ELOVL5: variants seen among roughly 807,000 people sequenced by gnomAD.
ELOVL5 encodes ELOVL fatty acid elongase 5, also known as very long chain fatty acid elongase 5.
Under a neutral mutation model 38.6 loss-of-function variants are expected in ELOVL5, and 8 were observed. The observed-to-expected ratio is 0.21, with a 90% CI of 0.12 to 0.37. ELOVL5 has a LOEUF of 0.37. Among genes scored for constraint, ELOVL5 ranks in the 10% least tolerant of loss-of-function variants. The pLI is 1.00. For missense variants in ELOVL5, 280 were observed against 367.8 expected (o/e 0.76, Z 1.95); for synonymous variants, 127 against 133.7 (o/e 0.95, Z 0.34).
At chr6:53,347,936 A>G (rs968450271) in intron 1 of ELOVL5, among the ~76,000 whole-genome samples, 1 of 152,048 alleles carries the variant, frequency 6.6e-6, no homozygotes, top group East Asian at 1.9e-4. Flanking sequence ...GGAGAGTCTT[A>G]CCGGCGTGGA....
intron 7 of ELOVL5, 85 bp downstream of exon 7, chr6:53,270,508 C>A: frequency 1.4e-6 from 2 of 1,470,250 alleles, no homozygotes; most frequent in South Asian, 1.2e-5. Context: ...CCAGCAAGGG[C>A]TCCACATGCC....
chr6:53,297,475 ATC>A (rs758363551), intron 1 of ELOVL5, among the ~76,000 whole-genome samples: 1 of 152,100 alleles, frequency 6.6e-6, no homozygotes, highest in Non-Finnish European at 1.5e-5. Flanking sequence ...GATGGGAATC[ATC>A]TCTTTGTCCA....
At chr6:53,335,854 A>T (rs1363965053) in intron 1 of ELOVL5, among the ~76,000 whole-genome samples, 1 of 152,124 alleles carries the variant, frequency 6.6e-6, no homozygotes, top group Admixed American at 6.6e-5. Flanking sequence ...AAAAGAAAGC[A>T]CCATCCGCGC....
intron 1 of ELOVL5, 139 bp downstream of exon 1, chr6:53,348,678 T>G (rs1204718082): frequency 8.6e-6 from 3 of 349,352 alleles, no homozygotes; most frequent in African/African-American, 6.9e-5. Flanking sequence ...GAGCGCGGGT[T>G]GCCCCGGCAG....
chr6:53,323,089 T>C (rs1768363223), intron 1 of ELOVL5, among the ~76,000 whole-genome samples: 1 of 152,194 alleles, frequency 6.6e-6, no homozygotes, highest in African/African-American at 2.4e-5. Flanking sequence ...GAAAATGGGA[T>C]TCAAACCCTG....
chr6:53,324,612 T>C (rs560962427), intron 1 of ELOVL5, among the ~76,000 whole-genome samples: 3 of 138,592 alleles, frequency 2.2e-5, no homozygotes, highest in Non-Finnish European at 3.0e-5. Context: ...TGAGGTGAGG[T>C]TGCAGTGAGC....
At position 53,290,357 on chromosome 6, in the gene ELOVL5, T is replaced by C. The variant is rs187080486; in HGVS notation, c.246+1419A>G. 2.6e-5 allele frequency: 4 copies of C among 152,360 alleles called. No individual in the cohort carries two copies. In the East Asian group the frequency reaches 7.7e-4, roughly 29 times the overall value. The allele number at this position is 152,360 out of a possible 1,614,324, so 9.4% of individuals were successfully genotyped here. ...AAGAGTTCTCTTAAAGACATGGCTG[T>C]ATTATCTATCAATTATGGAAAAGTA... On this transcript the variant is annotated intron_variant, in intron 3 of 7. Transcript: ENST00000304434.
chr6:53,281,694 T>C (rs1766365723), intron 3 of ELOVL5, among the ~76,000 whole-genome samples: 1 of 152,184 alleles, frequency 6.6e-6, no homozygotes. Context: ...AGGGTTTAGT[T>C]GGCCAATTTT....
intron 1 of ELOVL5, among the ~76,000 whole-genome samples, chr6:53,334,044 T>C (rs1011296323): frequency 6.6e-6 from 1 of 152,150 alleles, no homozygotes; most frequent in African/African-American, 2.4e-5. Context: ...TCCCAGGAAA[T>C]AGGCTATACT....
intron 1 of ELOVL5, among the ~76,000 whole-genome samples, chr6:53,325,068 C>G (rs1313539161): frequency 6.6e-6 from 1 of 152,164 alleles, no homozygotes. Flanking sequence ...TAAAAGTCAC[C>G]TGGTCTCCCT....
At chr6:53,329,930 T>C (rs1248059568) in intron 1 of ELOVL5, among the ~76,000 whole-genome samples, 1 of 152,248 alleles carries the variant, frequency 6.6e-6, no homozygotes, top group Non-Finnish European at 1.5e-5. Context: ...TTCTGTACGA[T>C]TTTATTTCTA....
intron 1 of ELOVL5, among the ~76,000 whole-genome samples, chr6:53,327,449 T>C (rs1176886670): frequency 1.3e-5 from 2 of 152,194 alleles, no homozygotes; most frequent in Admixed American, 1.3e-4. Context: ...TCACATATTG[T>C]ATGATTCCAT....
At position 53,294,481 on chromosome 6, in the gene ELOVL5, G is replaced by A. The variant is rs552551217; in HGVS notation, c.58+1161C>T. 3.6e-5 allele frequency: 56 copies of A among 1,549,118 alleles called. No homozygotes were observed. The Middle Eastern group carries it at 6.7e-4, about 19-fold the overall frequency. ...GTGGGGGACCCATTCTGAGGACAGA[G>A]CTGCTGATACCTGGAAGTGGCAAAG... On this transcript the variant is annotated intron_variant, in intron 2 of 7. Coordinates refer to ENST00000304434, the MANE Select transcript of ELOVL5 (RefSeq NM_021814.5).
intron 2 of ELOVL5, among the ~76,000 whole-genome samples, chr6:53,293,173 A>G (rs999798501): frequency 1.3e-5 from 2 of 152,100 alleles, no homozygotes; most frequent in Non-Finnish European, 2.9e-5. Context: ...ATGTTCCCCG[A>G]AAACCTGTGG....
intron 6 of ELOVL5, among the ~76,000 whole-genome samples, chr6:53,272,587 AGAG>A (rs1244084228): frequency 2.6e-5 from 4 of 152,216 alleles, no homozygotes; most frequent in South Asian, 4.1e-4. Context: ...CGAATTCATG[AGAG>A]GAGAGAAAGA....
chr6:53,343,675 T>G (rs1769423013), intron 1 of ELOVL5, among the ~76,000 whole-genome samples: 1 of 152,228 alleles, frequency 6.6e-6, no homozygotes, highest in South Asian at 2.1e-4. Flanking sequence ...CAGAGTTGAT[T>G]TTCTTCAAGT....
At chr6:53,273,081 C>T in intron 6 of ELOVL5, 139 bp downstream of exon 6, 1 of 897,206 alleles carries the variant, frequency 1.1e-6, no homozygotes. Context: ...CTAATCTACC[C>T]ACTTCAAGGA....
At chr6:53,288,174 C>T (rs1049398988) in intron 3 of ELOVL5, among the ~76,000 whole-genome samples, 2 of 152,094 alleles carry the variant, frequency 1.3e-5, no homozygotes, top group Non-Finnish European at 2.9e-5. Flanking sequence ...GGGAAAGCCA[C>T]CGTTTGGCAC....
chr6:53,317,889 T>G (rs961514756), intron 1 of ELOVL5, among the ~76,000 whole-genome samples: 9 of 151,784 alleles, frequency 5.9e-5, no homozygotes, highest in African/African-American at 2.2e-4. Context: ...CTATTTCAAA[T>G]GATGGATTTT....
Sources: gnomAD v4.1 joint callset for allele counts (sites outside exome capture counted in the v4.1 genomes callset) on GRCh38, gnomAD v4.1.1 for gene constraint, MANE v1.5 for transcripts, NCBI Gene and HGNC (gene_info 2026-07-23, HGNC 2026-07-21) for gene names.